Variants in C6orf52 observed in about 807,000 individuals in gnomAD.
The protein encoded by C6orf52 is putative uncharacterized protein C6orf52.
A neutral mutation model predicts 16.6 loss-of-function variants in C6orf52; 16 were observed. That is an observed-to-expected ratio of 0.96 (90% confidence interval 0.65 to 1.46). The LOEUF (loss-of-function observed/expected upper bound fraction) is 1.46, where lower values mean the gene tolerates loss of function less well. C6orf52 is among the 40% of genes most tolerant of loss of function. The pLI is 0.00. For missense variants in C6orf52, 166 were observed against 182.3 expected (o/e 0.91, Z 0.52); for synonymous variants, 53 against 61.4 (o/e 0.86, Z 0.64).
At chr6:10,691,316 C>T (rs1769279820) in intron 1 of C6orf52, among the ~76,000 whole-genome samples, 1 of 152,110 alleles carries the variant, frequency 6.6e-6, no homozygotes, top group Non-Finnish European at 1.5e-5. Flanking sequence ...ACCAAGCTCC[C>T]CAAGTGAGTA....
rs1296430204 is a variant in C6orf52 at position 10,687,037 on chromosome 6, C to A, written c.199G>T (p.Gly67Ter). Residue 67 changes from glycine to a stop codon, truncating the protein, a stop_gained, in exon 3 of 5, where the codon GGA (glycine) becomes TGA (stop). Transcript: ENST00000259983. LOFTEE classifies it high-confidence loss of function. ...SGYSYGCAVD[G>*]NGKDCFSAHE... ...GCAGAAAAACAGTCCTTTCCATTTCCATCCACTGCACAGCCATAGCTGTAG... is the reference window on the plus strand; with the variant it reads ...GCAGAAAAACAGTCCTTTCCATTTCAATCCACTGCACAGCCATAGCTGTAG... The A allele has an allele frequency of 6.4e-7, 1 of 1,551,682 alleles. No homozygotes were observed.
At chr6:10,691,493 A>C (rs1053529313) in intron 1 of C6orf52, among the ~76,000 whole-genome samples, 2 of 152,120 alleles carry the variant, frequency 1.3e-5, no homozygotes, top group African/African-American at 4.8e-5. Context: ...CAATGTCTCT[A>C]ATCTACAGAT....
chr6:10,683,773 A>G (rs892816051), intron 3 of C6orf52, among the ~76,000 whole-genome samples: 4 of 152,236 alleles, frequency 2.6e-5, no homozygotes, highest in African/African-American at 9.6e-5. Flanking sequence ...TCCTTACATA[A>G]TGAGAGAAGT....
chr6:10,678,185 A>C (rs964055925), intron 4 of C6orf52, among the ~76,000 whole-genome samples: 1 of 129,518 alleles, frequency 7.7e-6, no homozygotes, highest in East Asian at 2.1e-4. Context: ...GACTGTCTTA[A>C]AAAAAAAAAA....
chr6:10,671,483 G>T lies in C6orf52; in HGVS notation c.432C>A (p.Ser144=). 2 of 1,547,988 alleles carry T rather than the reference G, an allele frequency of 1.3e-6. No homozygotes were observed. Among genetic ancestry groups the T allele is most frequent in the South Asian group, 1.2e-5 (1 of 83,126 alleles). ...ACTTCGGGGTCTCATCTGGGATTTCGGAGTGAACTGTGTCCAGAGGCTGCC... is the reference window on the plus strand; with the variant it reads ...ACTTCGGGGTCTCATCTGGGATTTCTGAGTGAACTGTGTCCAGAGGCTGCC... ...CHWQPLDTVH[S]EIPDETPK The change falls in exon 5 of 5, where the codon TCC becomes TCA. Residue 144 remains serine (S), a synonymous_variant. Coordinates refer to ENST00000259983, the MANE Select transcript of C6orf52 (RefSeq NM_001145020.3).
chr6:10,689,219 C>A (rs1581562107), intron 1 of C6orf52, among the ~76,000 whole-genome samples: 1 of 152,242 alleles, frequency 6.6e-6, no homozygotes, highest in Non-Finnish European at 1.5e-5. Context: ...GATCCGCTCG[C>A]CTTAGCCTCC....
chr6:10,691,398 C>CA lies in C6orf52; in HGVS notation c.-12+3095_-12+3096insT, dbSNP rs35408477. 5.8e-3 allele frequency among the ~76,000 whole-genome samples: 876 copies of CA among 151,990 alleles called. 8 individuals carry two copies. The highest frequency in any genetic ancestry group is 0.02 in the African/African-American group (831 of 41,424). ...AGAGGGTCGTGATTGACTGAGCAAG[C>CA]GGGGGTACATGACTGGGGGGCTGCA... On this transcript the variant is annotated intron_variant, in intron 1 of 4. Coordinates refer to ENST00000259983, the MANE Select transcript of C6orf52 (RefSeq NM_001145020.3).
At chr6:10,672,441 A>C in intron 4 of C6orf52, 1 of 535,652 alleles carries the variant, frequency 1.9e-6, no homozygotes, top group Non-Finnish European at 3.3e-6. Flanking sequence ...GCATTTGGAG[A>C]TGGGGCCTCT....
Position 10,692,360 on chromosome 6 carries a change from CA to C in C6orf52, c.-12+2133del, listed in dbSNP as rs202201075. ...AGTGGTTCTCTGGTGGAAACTTACA[CA>C]TTACAAAAAAAGTAATCTATTCTAA... On this transcript the variant is annotated intron_variant, in intron 1 of 4. Coordinates refer to ENST00000259983, the MANE Select transcript of C6orf52 (RefSeq NM_001145020.3). Among the ~76,000 whole-genome samples, 1,366 of 152,246 alleles carry C rather than the reference CA, an allele frequency of 9.0e-3. 12 individuals are homozygous for C. Among genetic ancestry groups the C allele is most frequent in the African/African-American group, 0.031 (1,289 of 41,540 alleles).
chr6:10,683,320 C>CA, intron 3 of C6orf52, 88 bp from the exon 4 acceptor site: 2 of 730,230 alleles, frequency 2.7e-6, no homozygotes, highest in Admixed American at 3.1e-5. Context: ...CTCTAGCTCT[C>CA]AAAAAAACTA....
intron 3 of C6orf52, chr6:10,685,062 G>A (rs1768744625): frequency 3.3e-6 from 1 of 307,588 alleles, no homozygotes; most frequent in Non-Finnish European, 6.2e-6. Context: ...AGAAGGGGTA[G>A]CCAGGTGAGA....
At chr6:10,690,815 A>G (rs1769224044) in intron 1 of C6orf52, among the ~76,000 whole-genome samples, 1 of 152,214 alleles carries the variant, frequency 6.6e-6, no homozygotes, top group Admixed American at 6.5e-5. Flanking sequence ...ATTTCACAAG[A>G]ATGAGATTAA....
chr6:10,678,186 A>C (rs1213691852), intron 4 of C6orf52, among the ~76,000 whole-genome samples: 3 of 142,912 alleles, frequency 2.1e-5, no homozygotes, highest in Admixed American at 6.8e-5. Flanking sequence ...ACTGTCTTAA[A>C]AAAAAAAAAA....
chr6:10,674,322 T>G (rs1178959701), intron 4 of C6orf52, among the ~76,000 whole-genome samples: 1 of 152,106 alleles, frequency 6.6e-6, no homozygotes, highest in Admixed American at 6.5e-5. Context: ...GGAACACAAA[T>G]TCAGTCCATA....
At chr6:10,690,268 C>G (rs983312312) in intron 1 of C6orf52, among the ~76,000 whole-genome samples, 1 of 152,082 alleles carries the variant, frequency 6.6e-6, no homozygotes, top group Non-Finnish European at 1.5e-5. Context: ...CACTAAAAGC[C>G]CCAAATGCAA....
intron 3 of C6orf52, among the ~76,000 whole-genome samples, chr6:10,684,509 C>T (rs1424982290): frequency 6.6e-6 from 1 of 152,204 alleles, no homozygotes; most frequent in Non-Finnish European, 1.5e-5. Flanking sequence ...TCTCTCTGGT[C>T]TGAGGGCCAC....
intron 3 of C6orf52, among the ~76,000 whole-genome samples, chr6:10,684,186 T>C (rs1768653597): frequency 6.6e-6 from 1 of 152,190 alleles, no homozygotes; most frequent in Admixed American, 6.5e-5. Flanking sequence ...ATGCAGCCGG[T>C]AGTCTCAGCT....
chr6:10,681,092 C>G (rs572254569), intron 4 of C6orf52, among the ~76,000 whole-genome samples: 2 of 152,184 alleles, frequency 1.3e-5, no homozygotes, highest in Non-Finnish European at 1.5e-5. Flanking sequence ...CATTATCCAC[C>G]AGGCCTGGCC....
At chr6:10,675,012 T>C (rs1317508819) in intron 4 of C6orf52, among the ~76,000 whole-genome samples, 7 of 152,070 alleles carry the variant, frequency 4.6e-5, no homozygotes, top group Admixed American at 3.3e-4. Flanking sequence ...GGGTTCACCA[T>C]GTTGGTCAGG....
Sources: allele counts gnomAD v4.1 joint callset (sites outside exome capture counted in the v4.1 genomes callset), GRCh38; gene constraint gnomAD v4.1.1; transcripts MANE v1.5; gene names NCBI Gene and HGNC (gene_info 2026-07-23, HGNC 2026-07-21).